C2CD2: variants seen among roughly 807,000 people sequenced by gnomAD.
C2CD2 encodes C2 domain-containing protein 2.
C2CD2 carries 43 observed loss-of-function variants against 74.3 expected under a neutral mutation model. That is an observed-to-expected ratio of 0.58 (90% confidence interval 0.45 to 0.75). The LOEUF (loss-of-function observed/expected upper bound fraction) is 0.75, where lower values mean the gene tolerates loss of function less well. C2CD2 is among the 30% of genes least tolerant of loss of function. The probability of loss-of-function intolerance (pLI) is 0.00; values close to 1 mark genes in which losing one functional copy is unlikely to be tolerated. For missense variants in C2CD2, 801 were observed against 916.3 expected (o/e 0.87, Z 1.63); for synonymous variants, 422 against 390.7 (o/e 1.08, Z -0.94).
rs1480942998 is a variant in C2CD2, at chr21:41,899,195, C to T, written c.1728G>A (p.Glu576=). Residue 576 remains glutamate, a synonymous_variant, in exon 13 of 14, where the codon GAG becomes GAA. Transcript: ENST00000380486. The surrounding 1 kb of genome is among the most constrained non-coding windows in gnomAD (Gnocchi z 4.4). ...AQASLAPKPQ[E]DELDSWDLEK... ...CCAAGTCCCAGGAGTCTAGCTCGTCCTCCTGGGGCTTGGGGGCAAGGGATG... is the reference window on the plus strand; with the variant it reads ...CCAAGTCCCAGGAGTCTAGCTCGTCTTCCTGGGGCTTGGGGGCAAGGGATG... 6.2e-7 allele frequency: 1 copy of T among 1,612,672 alleles called. No homozygotes were observed.
At chr21:41,913,575 G>A (rs926070408) in intron 6 of C2CD2, among the ~76,000 whole-genome samples, 1 of 152,200 alleles carries the variant, frequency 6.6e-6, no homozygotes, top group East Asian at 1.9e-4. Flanking sequence ...CAGGCTGAAA[G>A]GGCAACATGT....
At chr21:41,951,055 G>A (rs2065446609) in intron 1 of C2CD2, among the ~76,000 whole-genome samples, 1 of 152,082 alleles carries the variant, frequency 6.6e-6, no homozygotes, top group Non-Finnish European at 1.5e-5. Context: ...GTGGGGGAGG[G>A]CAGCCACGAA....
chr21:41,925,908 A>G (rs1307371700), intron 2 of C2CD2, among the ~76,000 whole-genome samples: 2 of 152,218 alleles, frequency 1.3e-5, no homozygotes, highest in Admixed American at 1.3e-4. Flanking sequence ...TCCCTCCCAC[A>G]ATCAGCCATG....
chr21:41,931,426 CTT>C (rs34326295), intron 2 of C2CD2, among the ~76,000 whole-genome samples: 4 of 135,884 alleles, frequency 2.9e-5, no homozygotes, highest in Admixed American at 7.4e-5. Context: ...AGAAGAGTGT[CTT>C]TTTTTTTTTT....
chr21:41,894,063 T>G (rs1024986930), intron 13 of C2CD2, among the ~76,000 whole-genome samples: 1 of 152,242 alleles, frequency 6.6e-6, no homozygotes, highest in Non-Finnish European at 1.5e-5. Context: ...TATGTGCCCG[T>G]GTGCAAATCT....
At chr21:41,893,719 T>TC (rs1569053545) in intron 13 of C2CD2, among the ~76,000 whole-genome samples, 14 of 147,370 alleles carry the variant, frequency 9.5e-5, no homozygotes, top group African/African-American at 3.5e-4. Context: ...TTTTTTTTTT[T>TC]GAGACGGAGT....
In C2CD2 at chr21:41,887,697, C is replaced by G. The variant is rs1231504085; in HGVS notation, c.*1427G>C. ...TATAGGTTTTTACTCACCAGTGGCT[C>G]TATTACCCCCGAAATATTTAATGTT... On this transcript the variant is annotated 3_prime_UTR_variant, in exon 14 of 14. Transcript: ENST00000380486. 3 of 152,204 alleles carry G rather than the reference C, an allele frequency of 2.0e-5. No individual in the cohort carries two copies. Among genetic ancestry groups the G allele is most frequent in the Non-Finnish European group, 4.4e-5 (3 of 68,044 alleles). The allele number at this position is 152,204 out of a possible 1,614,324, so 9.4% of individuals were successfully genotyped here.
At chr21:41,942,657 C>A (rs2065364650) in intron 1 of C2CD2, among the ~76,000 whole-genome samples, 1 of 152,218 alleles carries the variant, frequency 6.6e-6, no homozygotes, top group African/African-American at 2.4e-5. Flanking sequence ...GGGCTCCAGG[C>A]TGTGTCCTCC....
chr21:41,907,698 C>T lies in C2CD2; in HGVS notation c.1105G>A (p.Ala369Thr), dbSNP rs969291213. Residue 369 changes from alanine to threonine, a missense_variant, in exon 9 of 14, where the codon GCC becomes ACC. By Grantham distance (58) the Ala-to-Thr change is moderately conservative. Coordinates refer to ENST00000380486, the MANE Select transcript of C2CD2 (RefSeq NM_015500.2). ...GAGCCCAGCACCGAGCTGCCGCAGG[C>T]AGACCCGCTGGTCAGCGTGAAGCTC... The part of the protein sequence containing the change: ...PQSFTLTSGS[A>T]CGSSVLGSVT... The T allele has an allele frequency of 6.2e-7, 1 of 1,612,668 alleles. No homozygotes were observed. Among genetic ancestry groups the T allele is most frequent in the African/African-American group, 1.3e-5 (1 of 75,038 alleles).
intron 3 of C2CD2, among the ~76,000 whole-genome samples, chr21:41,920,697 G>A (rs778902977): frequency 1.3e-5 from 2 of 152,202 alleles, no homozygotes; most frequent in Admixed American, 6.5e-5. Flanking sequence ...CTGCCTCTGC[G>A]CTGAGAGGTA....
At position 41,929,635 on chromosome 21, in the gene C2CD2, A is replaced by AT. The variant is rs2065246163; in HGVS notation, c.379-7551dup. ...GATGGTTATACCATTGGGAGCCTCC[A>AT]TTTACTTAGAAATGAAACTGAAAAC... On this transcript the variant is annotated intron_variant, in intron 2 of 13. Transcript: ENST00000380486. The surrounding 1 kb of genome is among the most constrained non-coding windows in gnomAD (Gnocchi z 4.6). 6.6e-6 allele frequency among the ~76,000 whole-genome samples: 1 copy of AT among 152,222 alleles called. No individual in the cohort carries two copies. The highest frequency in any genetic ancestry group is 2.1e-4 in the South Asian group (1 of 4,834).
chr21:41,928,795 T>C (rs937325888), intron 2 of C2CD2, among the ~76,000 whole-genome samples: 1 of 152,022 alleles, frequency 6.6e-6, no homozygotes, highest in East Asian at 1.9e-4. Flanking sequence ...GGGTTTCCCC[T>C]AGAGAGGATA....
chr21:41,941,411 T>C (rs2065353279), intron 2 of C2CD2, among the ~76,000 whole-genome samples: 1 of 152,166 alleles, frequency 6.6e-6, no homozygotes. Context: ...TTAGGACTTA[T>C]TACAGAAGCT....
chr21:41,904,174 T>G (rs2064933169), intron 11 of C2CD2, among the ~76,000 whole-genome samples: 1 of 152,140 alleles, frequency 6.6e-6, no homozygotes, highest in Non-Finnish European at 1.5e-5. Context: ...CTGGCTGTCC[T>G]CACTGCCGAT....
At position 41,888,857 on chromosome 21, in the gene C2CD2, C is replaced by T. The variant is rs1370856569; in HGVS notation, c.*267G>A. 26 of 544,778 alleles carry T rather than the reference C, an allele frequency of 4.8e-5. No individual in the cohort carries two copies. Among genetic ancestry groups the T allele is most frequent in the Non-Finnish European group, 7.6e-5 (23 of 303,098 alleles). 33.7% of individuals were successfully genotyped at this position (544,778 alleles called of 1,614,324 possible). A position where few individuals can be genotyped will look rare whatever the true frequency, so the allele number is the denominator to read the frequency against. ...ATCTCCTTCTAATATTGAACCCTAA[C>T]CCTTAGCTATGAGCACAGCCCAAGC... On this transcript the variant is annotated 3_prime_UTR_variant, in exon 14 of 14. Transcript: ENST00000380486.
rs1601611658 is a variant in C2CD2 at position 41,953,633 on chromosome 21, G to C, written c.16C>G (p.Leu6Val). The change falls in exon 1 of 14, where the codon CTG (leucine) becomes GTG (valine). Residue 6 changes from leucine to valine, a missense_variant. Leu to Val is a conservative substitution (Grantham distance 32, BLOSUM62 1). Transcript: ENST00000380486. Reference protein sequence around the residue: MAMARLGSWLGEAQWL... With the variant: MAMARVGSWLGEAQWL... ...TGCGCCTCCCCGAGCCACGAGCCCA[G>C]CCGGGCCATGGCCATGGCGCATCCC... 2 of 1,485,662 alleles carry C rather than the reference G, an allele frequency of 1.3e-6. No homozygotes were observed. The highest frequency in any genetic ancestry group is 1.8e-6 in the Non-Finnish European group (2 of 1,127,216). 92.0% of individuals were successfully genotyped at this position (1,485,662 alleles called of 1,614,324 possible).
intron 2 of C2CD2, among the ~76,000 whole-genome samples, chr21:41,928,430 C>A (rs186518692): frequency 2.6e-5 from 4 of 151,842 alleles, no homozygotes; most frequent in Admixed American, 6.6e-5. Context: ...GAGGAACCTC[C>A]ACCACCCGCC....
At chr21:41,940,324 T>G (rs1209628544) in intron 2 of C2CD2, among the ~76,000 whole-genome samples, 1 of 152,128 alleles carries the variant, frequency 6.6e-6, no homozygotes, top group Non-Finnish European at 1.5e-5. Context: ...CCTGGAGAAG[T>G]CTCAAAATTA....
rs1282226468 is a variant in C2CD2, at chr21:41,892,448, G to A, written c.1871-3104C>T. Among the ~76,000 whole-genome samples, 3 of 152,140 alleles carry A rather than the reference G, an allele frequency of 2.0e-5. No individual in the cohort carries two copies. The highest frequency in any genetic ancestry group is 1.3e-4 in the Admixed American group (2 of 15,270). On this transcript the variant is annotated intron_variant, in intron 13 of 13. Transcript: ENST00000380486. The surrounding 1 kb of genome is among the most constrained non-coding windows in gnomAD (Gnocchi z 4.6). ...ATACAGCCCTGGGAGGGGAGGGGGC[G>A]CATTTGGCTTAAGGATCCAGGAACG...
Sources: allele counts gnomAD v4.1 joint callset (sites outside exome capture counted in the v4.1 genomes callset), GRCh38; gene constraint gnomAD v4.1.1; non-coding constraint Gnocchi (gnomAD v3.1); transcripts MANE v1.5; gene names NCBI Gene and HGNC (gene_info 2026-07-23, HGNC 2026-07-21).